The following POFUT3 variants were observed in gnomAD, a reference collection of about 807,000 sequenced individuals.
POFUT3 encodes the protein GDP-fucose protein O-fucosyltransferase 3.
chr8:33,309,964 G>A, the POFUT3 span, among the ~76,000 whole-genome samples: 1 of 152,068 alleles, frequency 6.6e-6, no homozygotes, highest in Non-Finnish European at 1.5e-5. Flanking sequence ...TCCAACCCCC[G>A]TGCTGCATAT....
At chr8:33,460,753 C>A in the POFUT3 span, 1 of 985,342 alleles carries the variant, frequency 1.0e-6, no homozygotes, top group Non-Finnish European at 1.2e-6. Context: ...CACGTCCATT[C>A]ACTAAACCTC....
At chr8:33,410,542 A>T in the POFUT3 span, among the ~76,000 whole-genome samples, 1 of 152,138 alleles carries the variant, frequency 6.6e-6, no homozygotes, top group African/African-American at 2.4e-5. Context: ...GTTTGCACTG[A>T]ACATTTCTCA....
the POFUT3 span, among the ~76,000 whole-genome samples, chr8:33,362,307 GA>G: frequency 2.0e-5 from 3 of 151,494 alleles, no homozygotes; most frequent in Non-Finnish European, 4.4e-5. Flanking sequence ...CAAGCCACGG[GA>G]AAAAAAAGGC....
chr8:33,446,456 C>CAA, the POFUT3 span, among the ~76,000 whole-genome samples: 904 of 138,440 alleles, frequency 6.5e-3, 8 homozygotes, highest in African/African-American at 0.018. Flanking sequence ...GATCCTATTA[C>CAA]AAAAAAAAAA....
chr8:33,326,522 T>C, the POFUT3 span, among the ~76,000 whole-genome samples: 3 of 152,226 alleles, frequency 2.0e-5, no homozygotes, highest in Non-Finnish European at 2.9e-5. Flanking sequence ...ATATAGTTCA[T>C]TTAATTGAAC....
chr8:33,310,168 A>C, the POFUT3 span, among the ~76,000 whole-genome samples: 1 of 152,112 alleles, frequency 6.6e-6, no homozygotes, highest in South Asian at 2.1e-4. Flanking sequence ...AATTCTTCTT[A>C]TGACTCCTAT....
the POFUT3 span, among the ~76,000 whole-genome samples, chr8:33,366,050 G>A: frequency 2.1e-4 from 32 of 152,072 alleles, no homozygotes; most frequent in Admixed American, 2.6e-4. Flanking sequence ...CTGTGGCACC[G>A]TATACACCAT....
At chr8:33,446,318 G>A in the POFUT3 span, among the ~76,000 whole-genome samples, 1 of 151,950 alleles carries the variant, frequency 6.6e-6, no homozygotes, top group East Asian at 1.9e-4. Flanking sequence ...TTAGCCAGGT[G>A]TGGTGGCGCA....
chr8:33,370,040 G>A, the POFUT3 span, among the ~76,000 whole-genome samples: 1 of 151,804 alleles, frequency 6.6e-6, no homozygotes, highest in African/African-American at 2.4e-5. Flanking sequence ...TTAAAAATTA[G>A]TCATTGAATG....
the POFUT3 span, among the ~76,000 whole-genome samples, chr8:33,312,759 C>T: frequency 5.9e-5 from 9 of 152,120 alleles, no homozygotes; most frequent in East Asian, 1.9e-4. Context: ...ATCCCCAGAA[C>T]GCTATTTCCA....
At chr8:33,430,156 G>C in the POFUT3 span, among the ~76,000 whole-genome samples, 179 of 150,616 alleles carry the variant, frequency 1.2e-3, no homozygotes, top group Admixed American at 2.5e-3. Flanking sequence ...TGAGCATTAT[G>C]ATGTCCTGGT....
the POFUT3 span, among the ~76,000 whole-genome samples, chr8:33,321,169 C>T: frequency 0.09 from 13,616 of 152,036 alleles, 1,144 homozygotes; most frequent in African/African-American, 0.21. Context: ...TAAGAATAGG[C>T]TAAGTATAGT....
At chr8:33,341,798 C>T in the POFUT3 span, among the ~76,000 whole-genome samples, 2 of 152,176 alleles carry the variant, frequency 1.3e-5, no homozygotes, top group Non-Finnish European at 2.9e-5. Flanking sequence ...GTGGCTAGTG[C>T]CTGTAATCCC....
chr8:33,465,680 C>T, the POFUT3 span, among the ~76,000 whole-genome samples: 1 of 152,092 alleles, frequency 6.6e-6, no homozygotes, highest in Non-Finnish European at 1.5e-5. Context: ...CCAGGCTGGT[C>T]TCAAACTCCT....
chr8:33,320,082 C>G, the POFUT3 span, among the ~76,000 whole-genome samples: 1 of 151,868 alleles, frequency 6.6e-6, no homozygotes, highest in East Asian at 1.9e-4. Flanking sequence ...CTTTGGGTAT[C>G]TAAGAACAGA....
the POFUT3 span, among the ~76,000 whole-genome samples, chr8:33,379,135 C>T: frequency 5.9e-5 from 9 of 152,104 alleles, no homozygotes; most frequent in African/African-American, 2.2e-4. Context: ...TTTGTTTCCC[C>T]ACTTTGCTTT....
the POFUT3 span, among the ~76,000 whole-genome samples, chr8:33,370,624 A>G: frequency 6.6e-5 from 10 of 152,354 alleles, no homozygotes; most frequent in Middle Eastern, 3.4e-3. Flanking sequence ...GATTTTATCT[A>G]TGGACTTGAT....
chr8:33,449,579 C>T, the POFUT3 span, among the ~76,000 whole-genome samples: 4 of 152,024 alleles, frequency 2.6e-5, no homozygotes, highest in South Asian at 2.1e-4. Flanking sequence ...CGTGAGCCGC[C>T]GCGTCTGGCC....
chr8:33,335,241 C>A, the POFUT3 span, among the ~76,000 whole-genome samples: 13 of 150,840 alleles, frequency 8.6e-5, no homozygotes, highest in African/African-American at 3.2e-4. Flanking sequence ...AAATGTACAA[C>A]ATATTTTATT....
Sources: allele counts gnomAD v4.1 joint callset (sites outside exome capture counted in the v4.1 genomes callset), GRCh38; gene constraint gnomAD v4.1.1; transcripts MANE v1.5; gene names NCBI Gene and HGNC (gene_info 2026-07-23, HGNC 2026-07-21).